TRABD2B: variants seen among roughly 807,000 people sequenced by gnomAD.
TRABD2B encodes TraB domain containing 2B.
In TRABD2B, 14 loss-of-function variants were observed where a neutral mutation model predicts 40.1. That is an observed-to-expected ratio of 0.35 (90% CI 0.23 to 0.55). The LOEUF is 0.55. Among genes scored for constraint, TRABD2B ranks in the 20% least tolerant of loss-of-function variants. TRABD2B has a pLI of 0.90. For missense variants in TRABD2B, 541 were observed against 648.6 expected (o/e 0.83, Z 1.80); for synonymous variants, 263 against 277.0 (o/e 0.95, Z 0.50).
At chr1:47,804,995 AC>A (rs1294619870) in intron 2 of TRABD2B, among the ~76,000 whole-genome samples, 7 of 152,134 alleles carry the variant, frequency 4.6e-5, no homozygotes, top group Admixed American at 4.6e-4. Context: ...CTTCTGTGGA[AC>A]CCACAGGTAC....
At chr1:47,796,966 A>G (rs1345025862) in intron 3 of TRABD2B, among the ~76,000 whole-genome samples, 2 of 152,222 alleles carry the variant, frequency 1.3e-5, no homozygotes, top group Admixed American at 1.3e-4. Flanking sequence ...TAGGTATGGA[A>G]AATAATGTGA....
intron 3 of TRABD2B, among the ~76,000 whole-genome samples, chr1:47,798,222 T>C (rs1644774314): frequency 1.3e-5 from 2 of 152,292 alleles, no homozygotes; most frequent in South Asian, 2.1e-4. Flanking sequence ...AGGCACCTAA[T>C]AGGGTAACTA....
chr1:47,945,477 G>A (rs1645248195), intron 2 of TRABD2B, among the ~76,000 whole-genome samples: 1 of 151,986 alleles, frequency 6.6e-6, no homozygotes, highest in South Asian at 2.1e-4. Context: ...TTGGTGTATG[G>A]TTCTGTGAGT....
intron 2 of TRABD2B, among the ~76,000 whole-genome samples, chr1:47,931,777 G>C (rs1409355981): frequency 6.6e-6 from 1 of 152,134 alleles, no homozygotes; most frequent in African/African-American, 2.4e-5. Flanking sequence ...CCCTGTCCAA[G>C]TCCTGATCCC....
chr1:47,778,503 G>C lies in TRABD2B; in HGVS notation c.1030C>G (p.Gln344Glu). 6.5e-7 allele frequency: 1 copy of C among 1,536,152 alleles called. No homozygotes were observed. Among genetic ancestry groups the C allele is most frequent in the Non-Finnish European group, 8.7e-7 (1 of 1,146,886 alleles). The change falls in exon 5 of 7, where the codon CAG becomes GAG. Residue 344 changes from glutamine (Q) to glutamate (E), a missense_variant. Physicochemically the swap from Gln to Glu is conservative, Grantham distance 29. Around this residue, in one of 2 missense-constraint regions of TRABD2B, gnomAD observed 369 missense variants for 492.8 expected, o/e 0.75. Coordinates refer to ENST00000606738, the MANE Select transcript of TRABD2B (RefSeq NM_001194986.2). Reference protein sequence around the residue: ...GNNTVIDILRQAGLEVDHTPA... With the variant: ...GNNTVIDILREAGLEVDHTPA... ...GTGTGGTCCACCTCCAGCCCTGCCTGCCGCAGGATGTCGATGACTGTGTTG... is the reference window on the plus strand; with the variant it reads ...GTGTGGTCCACCTCCAGCCCTGCCTCCCGCAGGATGTCGATGACTGTGTTG...
intron 2 of TRABD2B, among the ~76,000 whole-genome samples, chr1:47,848,729 C>G (rs776618629): frequency 6.6e-6 from 1 of 152,288 alleles, no homozygotes; most frequent in African/African-American, 2.4e-5. Flanking sequence ...GACCCCCAGC[C>G]GAACACAATT....
chr1:47,812,475 C>A (rs113233976), intron 2 of TRABD2B, among the ~76,000 whole-genome samples: 1,985 of 152,254 alleles, frequency 0.013, 16 homozygotes, highest in Non-Finnish European at 0.02. Context: ...CATCTGTAAT[C>A]CCAGCACTTT....
intron 2 of TRABD2B, among the ~76,000 whole-genome samples, chr1:47,892,281 C>CT (rs1166369971): frequency 6.6e-6 from 1 of 152,212 alleles, no homozygotes; most frequent in Non-Finnish European, 1.5e-5. Flanking sequence ...AAGGATGACT[C>CT]TAAGACTTTT....
intron 2 of TRABD2B, among the ~76,000 whole-genome samples, chr1:47,920,774 C>T (rs1266125798): frequency 6.6e-6 from 1 of 152,176 alleles, no homozygotes; most frequent in Non-Finnish European, 1.5e-5. Context: ...GGGTTGCGTG[C>T]TTAACAGGTA....
intron 2 of TRABD2B, among the ~76,000 whole-genome samples, chr1:47,893,602 T>C (rs1431994826): frequency 1.3e-5 from 2 of 152,238 alleles, no homozygotes; most frequent in East Asian, 1.9e-4. Flanking sequence ...TGAGAGCTTG[T>C]TGACACTTGG....
At chr1:47,980,315 T>G (rs1021567540) in intron 2 of TRABD2B, among the ~76,000 whole-genome samples, 4 of 152,138 alleles carry the variant, frequency 2.6e-5, no homozygotes, top group Admixed American at 2.6e-4. Context: ...AACCAGGTAC[T>G]CACAAGGAGG....
chr1:47,791,072 G>A (rs3910612), intron 4 of TRABD2B, among the ~76,000 whole-genome samples: 2,305 of 152,314 alleles, frequency 0.015, 86 homozygotes, highest in Admixed American at 0.089. Context: ...GAAGAGAGGA[G>A]AAGCCAGACT....
intron 2 of TRABD2B, among the ~76,000 whole-genome samples, chr1:47,850,815 G>C (rs755177726): frequency 6.6e-6 from 1 of 152,210 alleles, no homozygotes; most frequent in Non-Finnish European, 1.5e-5. Flanking sequence ...ACCTGGGACC[G>C]ATTTCATGGA....
chr1:47,848,892 A>C (rs78859489), intron 2 of TRABD2B, among the ~76,000 whole-genome samples: 3,590 of 152,340 alleles, frequency 0.024, 113 homozygotes, highest in Admixed American at 0.094. Flanking sequence ...ACATGTCCTT[A>C]AGGATATTAG....
At chr1:47,823,548 A>T (rs1557594625) in intron 2 of TRABD2B, among the ~76,000 whole-genome samples, 2 of 152,306 alleles carry the variant, frequency 1.3e-5, no homozygotes, top group Non-Finnish European at 2.9e-5. Flanking sequence ...CTCTGTAGGC[A>T]TGCCTGGTTC....
chr1:47,847,760 C>G (rs532986130), intron 2 of TRABD2B, among the ~76,000 whole-genome samples: 1 of 152,300 alleles, frequency 6.6e-6, no homozygotes, highest in South Asian at 2.1e-4. Context: ...CAAAATCATA[C>G]GAAAGAAATT....
At chr1:47,823,704 G>A (rs895367352) in intron 2 of TRABD2B, among the ~76,000 whole-genome samples, 1 of 152,200 alleles carries the variant, frequency 6.6e-6, no homozygotes, top group Non-Finnish European at 1.5e-5. Context: ...GGAAGGCAGA[G>A]ACTTTGTTAC....
At position 47,929,756 on chromosome 1, in the gene TRABD2B, G is replaced by C. The variant is rs536566965; in HGVS notation, c.666+64278C>G. 2.0e-5 allele frequency among the ~76,000 whole-genome samples: 3 copies of C among 152,290 alleles called. No individual in the cohort carries two copies. In the South Asian group the frequency reaches 6.2e-4, roughly 32 times the overall value. On this transcript the variant is annotated intron_variant, in intron 2 of 6. Transcript: ENST00000606738. ...GCAGGGTTAGCACTGGAGGAATGCT[G>C]TAACGATGGGCAATGCACACTAAAC... is the stretch of plus-strand genomic sequence containing the variant.
At chr1:47,961,248 C>T (rs1645510236) in intron 2 of TRABD2B, among the ~76,000 whole-genome samples, 1 of 152,160 alleles carries the variant, frequency 6.6e-6, no homozygotes, top group Non-Finnish European at 1.5e-5. Flanking sequence ...AGACCTAAAA[C>T]CATAAAAACC....
Sources: gnomAD v4.1 joint callset for allele counts (sites outside exome capture counted in the v4.1 genomes callset) on GRCh38, gnomAD v4.1.1 for gene constraint, gnomAD v4.1.1 regional missense constraint, MANE v1.5 for transcripts, NCBI Gene and HGNC (gene_info 2026-07-23, HGNC 2026-07-21) for gene names.